Variants in SLC35F4 observed in about 807,000 individuals in gnomAD.
SLC35F4 encodes chromosome 14 open reading frame 36.
Under a neutral mutation model 44.2 loss-of-function variants are expected in SLC35F4, and 24 were observed. The ratio of observed to expected loss-of-function variants is 0.54; its 90% CI spans 0.39 to 0.76. SLC35F4 has a LOEUF of 0.76. SLC35F4 is among the 30% of genes least tolerant of loss of function. The pLI, the probability that SLC35F4 is intolerant of heterozygous loss-of-function variation, is 0.00. For synonymous variants in SLC35F4, 238 were observed against 223.6 expected, an observed-to-expected ratio of 1.06 and a Z score of -0.57; for missense variants, 562 against 586.1, an observed-to-expected ratio of 0.96 and a Z score of 0.42.
At chr14:57,772,201 A>C (rs2077381343) in intron 1 of SLC35F4, among the ~76,000 whole-genome samples, 1 of 152,232 alleles carries the variant, frequency 6.6e-6, no homozygotes, top group Non-Finnish European at 1.5e-5. Flanking sequence ...GAAGAGGAGA[A>C]ATTTTGCTCA....
chr14:57,612,969 C>A (rs531024017), intron 1 of SLC35F4, among the ~76,000 whole-genome samples: 7 of 152,300 alleles, frequency 4.6e-5, no homozygotes, highest in African/African-American at 1.7e-4. Context: ...ACATTTGCAT[C>A]TTTGAGACGT....
intron 4 of SLC35F4, among the ~76,000 whole-genome samples, chr14:57,580,820 G>C (rs188968378): frequency 6.6e-6 from 1 of 152,060 alleles, no homozygotes; most frequent in African/African-American, 2.4e-5. Flanking sequence ...CTGGTGGGGG[G>C]AATGGGGGGT....
intron 1 of SLC35F4, among the ~76,000 whole-genome samples, chr14:57,962,243 C>T (rs1007194655): frequency 1.3e-5 from 2 of 152,026 alleles, no homozygotes; most frequent in Non-Finnish European, 2.9e-5. Context: ...AAGAAAAGTA[C>T]TGAATGGACC....
Position 57,725,154 on chromosome 14 carries a change from A to G in SLC35F4, c.104-131030T>C, listed in dbSNP as rs531966896. ...TGGAAAGCATGACCATTCTGTGGAC[A>G]CCTGTCAGCCTCTTTACCCAGCCAC... On this transcript the variant is annotated intron_variant, in intron 1 of 7. Transcript: ENST00000556826. Among the ~76,000 whole-genome samples, 210 of 152,280 alleles carry G rather than the reference A, an allele frequency of 1.4e-3. 2 individuals carry two copies. The highest frequency in any genetic ancestry group is 4.8e-3 in the African/African-American group (200 of 41,562).
At chr14:57,757,997 G>A (rs1005632596) in intron 1 of SLC35F4, among the ~76,000 whole-genome samples, 1 of 132,434 alleles carries the variant, frequency 7.6e-6, no homozygotes, top group Non-Finnish European at 1.6e-5. Context: ...AGGATTATAG[G>A]TTCATGTGTG....
At chr14:57,663,020 C>T (rs764396834) in intron 1 of SLC35F4, among the ~76,000 whole-genome samples, 1 of 152,176 alleles carries the variant, frequency 6.6e-6, no homozygotes, top group Non-Finnish European at 1.5e-5. Context: ...TCCTGTAAAT[C>T]ACTTTTTCCC....
chr14:57,796,158 T>C lies in SLC35F4; in HGVS notation c.103+69565A>G, dbSNP rs115428887. Among the ~76,000 whole-genome samples, 727 of 152,328 alleles carry C rather than the reference T, an allele frequency of 4.8e-3. 5 individuals are homozygous for C. The highest frequency in any genetic ancestry group is 0.017 in the African/African-American group (692 of 41,576). ...TTCTATATGGCTGCATAGTATTCCA[T>C]GGTACATATACCTCATTTTCTTTAC... On this transcript the variant is annotated intron_variant, in intron 1 of 7. Transcript: ENST00000556826.
chr14:57,859,976 G>C (rs1413576164), intron 1 of SLC35F4, among the ~76,000 whole-genome samples: 1 of 152,166 alleles, frequency 6.6e-6, no homozygotes, highest in African/African-American at 2.4e-5. Flanking sequence ...ATGTTCGAAG[G>C]AATTTTGAAA....
At chr14:57,620,698 T>C (rs1451427459) in intron 1 of SLC35F4, among the ~76,000 whole-genome samples, 7 of 152,200 alleles carry the variant, frequency 4.6e-5, no homozygotes, top group Admixed American at 4.6e-4. Context: ...ATACGTCCCA[T>C]CAATACCTAA....
intron 1 of SLC35F4, among the ~76,000 whole-genome samples, chr14:57,632,010 A>G (rs946822139): frequency 3.6e-4 from 55 of 152,092 alleles, no homozygotes; most frequent in African/African-American, 1.3e-3. Context: ...GTTCTGAAAT[A>G]CTGTTTGTGG....
At position 57,901,104 on chromosome 14, in the gene SLC35F4, C is replaced by G. The variant is rs183796538; in HGVS notation, n.282+80809G>C. On this transcript the variant is annotated intron_variant and non_coding_transcript_variant, in intron 1 of 1. Coordinates refer to the SLC35F4 transcript ENST00000556568. ...AAATTAGTTCAAGCATTGTGGAAGACAGTGTGGCGATTCTTCAAAGACCTA... is the reference window on the plus strand; with the variant it reads ...AAATTAGTTCAAGCATTGTGGAAGAGAGTGTGGCGATTCTTCAAAGACCTA... Among the ~76,000 whole-genome samples the G allele has an allele frequency of 3.3e-4, 50 of 152,286 alleles. No individual in the cohort carries two copies. In the East Asian group the frequency reaches 9.1e-3, roughly 28 times the overall value.
intron 1 of SLC35F4, among the ~76,000 whole-genome samples, chr14:57,919,874 C>T (rs1180924868): frequency 3.9e-5 from 6 of 152,166 alleles, no homozygotes; most frequent in Non-Finnish European, 5.9e-5. Context: ...TGGAAGAAGG[C>T]TCAGTGAGAA....
chr14:57,913,255 C>T (rs1169448163), intron 1 of SLC35F4, among the ~76,000 whole-genome samples: 4 of 151,964 alleles, frequency 2.6e-5, no homozygotes, highest in Admixed American at 1.3e-4. Context: ...ACTTAGATCA[C>T]TGATGTTTAA....
chr14:57,885,977 C>T (rs191482429), intron 1 of SLC35F4, among the ~76,000 whole-genome samples: 4 of 152,246 alleles, frequency 2.6e-5, no homozygotes, highest in African/African-American at 9.6e-5. Flanking sequence ...AAAAAGGGAT[C>T]ATATACGCAC....
Position 57,589,251 on chromosome 14 carries a change from A to C in SLC35F4, c.552T>G (p.Thr184=), listed in dbSNP as rs1189206675. Residue 184 remains threonine, a synonymous_variant, in exon 3 of 8, where the codon ACT becomes ACG. Coordinates refer to ENST00000556826, the MANE Select transcript of SLC35F4 (RefSeq NM_001306087.2). ...FPVYYSGHLA[T]AQEKQSPMKK... ...TCATTGGAGATTGCTTTTCTTGAGCAGTGGCTAGATGACCAGAATAATAGA... is the reference window on the plus strand; with the variant it reads ...TCATTGGAGATTGCTTTTCTTGAGCCGTGGCTAGATGACCAGAATAATAGA... The C allele has an allele frequency of 1.2e-6, 2 of 1,612,114 alleles. No individual in the cohort carries two copies. The highest frequency in any genetic ancestry group is 1.7e-6 in the Non-Finnish European group (2 of 1,179,072).
At position 57,852,381 on chromosome 14, in the gene SLC35F4, C is replaced by A. The variant is rs530772560; in HGVS notation, c.103+13342G>T. On this transcript the variant is annotated intron_variant, in intron 1 of 7. Coordinates refer to ENST00000556826, the MANE Select transcript of SLC35F4 (RefSeq NM_001306087.2). ...TAATAAGGTCATGAAAGTGTGGTGG[C>A]AGCTAAAGAATCAGACCTTGTAAGA... Among the ~76,000 whole-genome samples, 3 of 152,258 alleles carry A rather than the reference C, an allele frequency of 2.0e-5. No individual in the cohort carries two copies. In the East Asian group the frequency reaches 5.8e-4, roughly 29 times the overall value.
At chr14:57,590,964 G>A (rs1172273838) in intron 2 of SLC35F4, among the ~76,000 whole-genome samples, 2 of 152,212 alleles carry the variant, frequency 1.3e-5, no homozygotes, top group African/African-American at 2.4e-5. Flanking sequence ...TGGGGGAAAG[G>A]AGAAGAGAGC....
At chr14:57,963,507 G>A (rs377609686) in intron 1 of SLC35F4, among the ~76,000 whole-genome samples, 197 of 152,224 alleles carry the variant, frequency 1.3e-3, no homozygotes, top group African/African-American at 4.3e-3. Flanking sequence ...GCAGTGCTGT[G>A]TTCTAGAAAG....
chr14:57,969,847 G>A (rs1881002602), intron 1 of SLC35F4, among the ~76,000 whole-genome samples: 1 of 152,126 alleles, frequency 6.6e-6, no homozygotes, highest in Admixed American at 6.5e-5. Context: ...AAGTCACTGA[G>A]CACGGATGTT....
Sources: gnomAD v4.1 joint callset for allele counts (sites outside exome capture counted in the v4.1 genomes callset) on GRCh38, gnomAD v4.1.1 for gene constraint, MANE v1.5 for transcripts, NCBI Gene and HGNC (gene_info 2026-07-23, HGNC 2026-07-21) for gene names.